Variants in CHIC1 observed in about 807,000 individuals in gnomAD.
CHIC1 encodes the protein cysteine rich hydrophobic domain 1.
A neutral mutation model predicts 18.5 loss-of-function variants in CHIC1; 7 were observed. The observed-to-expected ratio is 0.38, with a 90% CI of 0.22 to 0.71. CHIC1 has a LOEUF of 0.71. CHIC1 is among the 30% of genes least tolerant of loss of function. The probability of loss-of-function intolerance (pLI) is 0.49; values close to 1 mark genes in which losing one functional copy is unlikely to be tolerated. For missense variants in CHIC1, 159 were observed against 176.9 expected (o/e 0.90, Z 0.57); for synonymous variants, 77 against 73.5 (o/e 1.05, Z -0.25).
At chrX:73,677,046 G>A (rs977425137) in intron 3 of CHIC1, among the ~76,000 whole-genome samples, 4 of 111,513 alleles carry the variant, frequency 3.6e-5, no homozygotes, top group Non-Finnish European at 7.5e-5. Context: ...GCAGAACAGC[G>A]GATGTTGGTG....
At chrX:73,592,029 C>T (rs149501474) in intron 3 of CHIC1, among the ~76,000 whole-genome samples, 130 of 110,878 alleles carry the variant, frequency 1.2e-3, no homozygotes, top group African/African-American at 4.2e-3. Context: ...TCAATAATCA[C>T]AAAACATTGT....
At chrX:73,579,836 A>C (rs1331304774) in intron 2 of CHIC1, among the ~76,000 whole-genome samples, 1 of 110,780 alleles carries the variant, frequency 9.0e-6, no homozygotes, top group Non-Finnish European at 1.9e-5. Flanking sequence ...GTAGCTATGG[A>C]AATATATCTT....
intron 3 of CHIC1, among the ~76,000 whole-genome samples, chrX:73,667,858 G>C (rs1241698891): frequency 9.0e-6 from 1 of 110,772 alleles, no homozygotes; most frequent in East Asian, 2.9e-4. Context: ...TGATCTCGTG[G>C]AGTGTCTTAC....
At chrX:73,598,776 A>G (rs1840953849) in intron 3 of CHIC1, among the ~76,000 whole-genome samples, 1 of 110,620 alleles carries the variant, frequency 9.0e-6, no homozygotes, top group South Asian at 3.9e-4. Context: ...ATTGTGAATA[A>G]TGCCGCAATA....
At chrX:73,670,880 T>G (rs937658696) in intron 3 of CHIC1, among the ~76,000 whole-genome samples, 2 of 111,806 alleles carry the variant, frequency 1.8e-5, no homozygotes, top group Non-Finnish European at 3.8e-5. Flanking sequence ...AGAAGATACT[T>G]GATATGATTT....
At chrX:73,661,037 G>A (rs750164663) in intron 3 of CHIC1, among the ~76,000 whole-genome samples, 7 of 111,437 alleles carry the variant, frequency 6.3e-5, no homozygotes, top group Middle Eastern at 4.6e-3. Context: ...TAAGGGTGGC[G>A]TGGGTACGTT....
chrX:73,597,109 T>C (rs986749174), intron 3 of CHIC1, among the ~76,000 whole-genome samples: 6 of 112,161 alleles, frequency 5.3e-5, no homozygotes, highest in East Asian at 5.7e-4. Context: ...CTACCAGCAA[T>C]GCAGAAGAGT....
intron 3 of CHIC1, among the ~76,000 whole-genome samples, chrX:73,585,015 C>T (rs1481826767): frequency 9.0e-6 from 1 of 111,498 alleles, no homozygotes; most frequent in Non-Finnish European, 1.9e-5. Flanking sequence ...AGCATTACTA[C>T]TTATGTCATG....
At chrX:73,632,761 T>C (rs1479031360) in intron 3 of CHIC1, among the ~76,000 whole-genome samples, 2 of 105,948 alleles carry the variant, frequency 1.9e-5, no homozygotes, top group Non-Finnish European at 3.9e-5. Flanking sequence ...AGTATTGTTA[T>C]TCTTTTTTTT....
chrX:73,664,111 C>T (rs759354715), intron 3 of CHIC1, among the ~76,000 whole-genome samples: 12 of 111,182 alleles, frequency 1.1e-4, no homozygotes, highest in South Asian at 7.8e-4. Flanking sequence ...TTCATCTGAC[C>T]GAGGAAAGCC....
intron 1 of CHIC1, 85 bp from the exon 2 acceptor site, chrX:73,577,322 C>T: frequency 1.4e-6 from 1 of 698,644 alleles, no homozygotes; most frequent in Non-Finnish European, 2.1e-6. Context: ...AAGAAAAATG[C>T]ATGGGTTTAT....
At chrX:73,678,786 A>G (rs981205065) in intron 3 of CHIC1, among the ~76,000 whole-genome samples, 1 of 111,729 alleles carries the variant, frequency 9.0e-6, no homozygotes, top group Non-Finnish European at 1.9e-5. Context: ...TGTTTTTAAC[A>G]TGTTCTTTTC....
chrX:73,579,818 T>C (rs746994744), intron 2 of CHIC1, among the ~76,000 whole-genome samples: 64 of 110,850 alleles, frequency 5.8e-4, no homozygotes, highest in Non-Finnish European at 1.1e-3. Flanking sequence ...TTTTTTCAAA[T>C]GAATAAAGTA....
intron 3 of CHIC1, among the ~76,000 whole-genome samples, chrX:73,611,867 G>C (rs1288276673): frequency 9.3e-6 from 1 of 108,019 alleles, no homozygotes; most frequent in Non-Finnish European, 1.9e-5. Flanking sequence ...TGATGAGGTT[G>C]TTTGTTTTTT....
intron 3 of CHIC1, among the ~76,000 whole-genome samples, chrX:73,639,999 T>C (rs1437213539): frequency 9.0e-6 from 1 of 111,464 alleles, no homozygotes; most frequent in Non-Finnish European, 1.9e-5. Context: ...TTCCTCACTT[T>C]TTATTTGGAT....
chrX:73,641,538 T>A (rs145700154), intron 3 of CHIC1, among the ~76,000 whole-genome samples: 1,215 of 110,989 alleles, frequency 0.011, 9 homozygotes, highest in Non-Finnish European at 0.016. Flanking sequence ...TTATTATACT[T>A]TAAGTTTTAG....
chrX:73,677,443 C>A (rs191199706), intron 3 of CHIC1, among the ~76,000 whole-genome samples: 296 of 111,700 alleles, frequency 2.6e-3, no homozygotes, highest in Non-Finnish European at 3.8e-3. Context: ...CAATGGCAGG[C>A]ACCCCTCCCC....
rs1167470797 is a variant in CHIC1 at position 73,678,506 on chromosome X, G to T, written c.508-820G>T. 3.6e-5 allele frequency among the ~76,000 whole-genome samples: 4 copies of T among 112,029 alleles called. No homozygotes were observed. The East Asian group carries it at 1.1e-3, about 32-fold the overall frequency. ...AGGCCAGATAGTCCCTGGGGTCCTGGGGGGAGGACGTAGGTGCTGGCAGTG... is the reference window on the plus strand; with the variant it reads ...AGGCCAGATAGTCCCTGGGGTCCTGTGGGGAGGACGTAGGTGCTGGCAGTG... On this transcript the variant is annotated intron_variant, in intron 3 of 5. Coordinates refer to ENST00000373502, the MANE Select transcript of CHIC1 (RefSeq NM_001039840.4).
chrX:73,674,067 G>A (rs1411944393), intron 3 of CHIC1, among the ~76,000 whole-genome samples: 2 of 112,061 alleles, frequency 1.8e-5, no homozygotes, highest in African/African-American at 3.2e-5. Context: ...ATTTGCATAT[G>A]TTGAACCAGC....
Sources: gnomAD v4.1 joint callset for allele counts (sites outside exome capture counted in the v4.1 genomes callset) on GRCh38, gnomAD v4.1.1 for gene constraint, MANE v1.5 for transcripts, NCBI Gene and HGNC (gene_info 2026-07-23, HGNC 2026-07-21) for gene names.